The following SLC45A4 variants were observed in gnomAD, a reference collection of about 807,000 sequenced individuals.
The protein encoded by SLC45A4 is solute carrier family 45 member 4, also known as polyamine-transporter SLC45A4.
In SLC45A4, 32 loss-of-function variants were observed where a neutral mutation model predicts 63.7. The observed-to-expected ratio is 0.50, with a 90% CI of 0.38 to 0.67. SLC45A4 has a LOEUF of 0.67. Among genes scored for constraint, SLC45A4 ranks in the 30% least tolerant of loss-of-function variants. SLC45A4 has a pLI of 0.00. For synonymous variants in SLC45A4, 535 were observed against 510.0 expected (o/e 1.05, Z -0.66); for missense variants, 1,027 against 1,157.7 (o/e 0.89, Z 1.64).
chr8:141,266,505 C>T (rs540875574), intron 1 of SLC45A4, among the ~76,000 whole-genome samples: 6 of 152,262 alleles, frequency 3.9e-5, no homozygotes, highest in African/African-American at 1.2e-4. Flanking sequence ...CAGATGGCCA[C>T]GGAGAGGAAC....
At chr8:141,274,456 C>T (rs1829654308) in intron 1 of SLC45A4, among the ~76,000 whole-genome samples, 1 of 151,650 alleles carries the variant, frequency 6.6e-6, no homozygotes, top group Non-Finnish European at 1.5e-5. Context: ...ATCGCTTGAA[C>T]CCGGGAGGCG....
intron 2 of SLC45A4, among the ~76,000 whole-genome samples, chr8:141,244,702 C>T (rs1386144821): frequency 6.6e-6 from 1 of 152,112 alleles, no homozygotes; most frequent in African/African-American, 2.4e-5. Flanking sequence ...TGTATTTCAT[C>T]AAATCCAAGA....
chr8:141,228,123 G>A (rs1827127816), intron 2 of SLC45A4: 2 of 1,609,660 alleles, frequency 1.2e-6, no homozygotes, highest in Non-Finnish European at 1.7e-6. Context: ...CTCACCGCAA[G>A]CTTTAGATGG....
In SLC45A4 at chr8:141,218,536, C is replaced by T. The variant is rs142593631; in HGVS notation, c.1104G>A (p.Lys368=). The T allele has an allele frequency of 2.4e-4, 392 of 1,613,608 alleles. 1 individual carries two copies. The African/African-American group carries it at 3.8e-3, about 16-fold the overall frequency. Reference sequence around the variant, plus strand: ...GATTATCCAGCAAGGTCTCGTCCTCCTTGGCGGCTTCCTTGAGGAAGGTGG... The same window carrying T: ...GATTATCCAGCAAGGTCTCGTCCTCTTTGGCGGCTTCCTTGAGGAAGGTGG... The part of the protein sequence containing the change: ...RLATFLKEAA[K]EDETLLDNHL... Residue 368 remains lysine (K), a synonymous_variant, in exon 5 of 9, where the codon AAG becomes AAA. Coordinates refer to ENST00000517878, the MANE Select transcript of SLC45A4 (RefSeq NM_001286646.2).
At chr8:141,289,459 G>A (rs1830271370) in intron 1 of SLC45A4, among the ~76,000 whole-genome samples, 2 of 152,158 alleles carry the variant, frequency 1.3e-5, no homozygotes, top group Admixed American at 1.3e-4. Flanking sequence ...TTCAAACAAG[G>A]ATTCTAATCT....
rs1828781016 is a variant in SLC45A4, at chr8:141,256,474, T to C, written c.-400-1845A>G. 1 of 450,734 alleles carries C rather than the reference T, an allele frequency of 2.2e-6. No homozygotes were observed. Among genetic ancestry groups the C allele is most frequent in the African/African-American group, 2.0e-5 (1 of 49,842 alleles). 27.9% of individuals were successfully genotyped at this position (450,734 alleles called of 1,614,324 possible). A position where few individuals can be genotyped will look rare whatever the true frequency, so the allele number is the denominator to read the frequency against. On this transcript the variant is annotated intron_variant, in intron 1 of 8. Transcript: ENST00000517878. This position sits in a 1 kb window ranked among gnomAD's most constrained non-coding sequence, Gnocchi z 4.3. ...AGAAACCTCGAGGTGCTGTCTTCACTCGGCTCCTCTCTCACACAGCCCTGA... is the reference window on the plus strand; with the variant it reads ...AGAAACCTCGAGGTGCTGTCTTCACCCGGCTCCTCTCTCACACAGCCCTGA...
At chr8:141,284,954 A>T (rs1037176937) in intron 1 of SLC45A4, among the ~76,000 whole-genome samples, 1 of 151,584 alleles carries the variant, frequency 6.6e-6, no homozygotes, top group African/African-American at 2.4e-5. Context: ...GAGCCGCCCC[A>T]CACCCCGACT....
Position 141,215,693 on chromosome 8 carries a change from T to TG in SLC45A4, c.1941+65dup. 2.0e-6 allele frequency: 3 copies of TG among 1,510,826 alleles called. No homozygotes were observed. Among genetic ancestry groups the TG allele is most frequent in the South Asian group, 1.1e-5 (1 of 88,848 alleles). The allele number at this position is 1,510,826 out of a possible 1,614,324, so 93.6% of individuals were successfully genotyped here. A position where few individuals can be genotyped will look rare whatever the true frequency, so the allele number is the denominator to read the frequency against. ...GTCCCCCCGGGGAAGCACAGGGCTCTGCTCTGTATGGAGGGAAGGCACTCA... is the reference window on the plus strand; with the variant it reads ...GTCCCCCCGGGGAAGCACAGGGCTCTGGCTCTGTATGGAGGGAAGGCACTCA... On this transcript the variant is annotated intron_variant, in intron 7 of 8. Coordinates refer to ENST00000517878, the MANE Select transcript of SLC45A4 (RefSeq NM_001286646.2). This position sits in a 1 kb window ranked among gnomAD's most constrained non-coding sequence, Gnocchi z 4.3.
intron 1 of SLC45A4, among the ~76,000 whole-genome samples, chr8:141,273,938 G>A (rs1039843907): frequency 2.6e-5 from 4 of 152,330 alleles, no homozygotes; most frequent in Non-Finnish European, 5.9e-5. Context: ...TTTAAAAAAC[G>A]TAAAGTTTGG....
intron 1 of SLC45A4, among the ~76,000 whole-genome samples, chr8:141,265,344 C>T (rs747205358): frequency 1.3e-5 from 2 of 152,142 alleles, no homozygotes; most frequent in Admixed American, 1.3e-4. Context: ...TAGGGCCTCA[C>T]AAGAAATGAA....
intron 1 of SLC45A4, among the ~76,000 whole-genome samples, chr8:141,297,075 T>TG (rs1554604690): frequency 6.6e-6 from 1 of 151,652 alleles, no homozygotes; most frequent in African/African-American, 2.4e-5. Context: ...AGTTACTGAG[T>TG]CCCCCCCAGG....
At chr8:141,230,585 G>C (rs1203195409) in intron 2 of SLC45A4, among the ~76,000 whole-genome samples, 1 of 152,244 alleles carries the variant, frequency 6.6e-6, no homozygotes, top group Non-Finnish European at 1.5e-5. Flanking sequence ...GTGGCTGGGG[G>C]GCCGCCAGGA....
At chr8:141,271,884 A>G (rs1315036118) in intron 1 of SLC45A4, among the ~76,000 whole-genome samples, 1 of 146,212 alleles carries the variant, frequency 6.8e-6, no homozygotes, top group Non-Finnish European at 1.5e-5. Context: ...CGTGCATGCA[A>G]CACACACCTG....
chr8:141,303,716 A>T (rs1830816936), intron 1 of SLC45A4, among the ~76,000 whole-genome samples: 1 of 152,164 alleles, frequency 6.6e-6, no homozygotes, highest in African/African-American at 2.4e-5. Flanking sequence ...CCCAGGTTGG[A>T]AGGGACTTTT....
intron 1 of SLC45A4, among the ~76,000 whole-genome samples, chr8:141,291,749 C>A (rs568900839): frequency 6.6e-6 from 1 of 152,196 alleles, no homozygotes; most frequent in Admixed American, 6.5e-5. Flanking sequence ...ATGTTACTGG[C>A]GTGGCTTGCC....
chr8:141,258,968 C>T (rs1257565229), intron 1 of SLC45A4, among the ~76,000 whole-genome samples: 1 of 151,660 alleles, frequency 6.6e-6, no homozygotes, highest in Non-Finnish European at 1.5e-5. Context: ...AAAAACTAAG[C>T]CCTCAGGGAG....
chr8:141,232,612 C>T (rs919226356), intron 2 of SLC45A4, among the ~76,000 whole-genome samples: 4 of 150,766 alleles, frequency 2.7e-5, no homozygotes, highest in Middle Eastern at 3.4e-3. Context: ...TGGGAACACA[C>T]ACTCAGTGGC....
At chr8:141,296,836 C>CAA (rs34267017) in intron 1 of SLC45A4, among the ~76,000 whole-genome samples, 2,015 of 75,804 alleles carry the variant, frequency 0.027, 56 homozygotes, top group African/African-American at 0.056. Context: ...ACTCCATTGC[C>CAA]AAAAAAAAAA....
rs1026041972 is a variant in SLC45A4, at chr8:141,252,067, A to G, written c.241+1922T>C. Among the ~76,000 whole-genome samples, 4 of 149,366 alleles carry G rather than the reference A, an allele frequency of 2.7e-5. No individual in the cohort carries two copies. In the South Asian group the frequency reaches 7.0e-4, roughly 26 times the overall value. Reference sequence around the variant, plus strand: ...CAACAAACATCCCTAAAACAACCAAAATAAGTAGGCTTGAAAATACTTTAC... The same window carrying G: ...CAACAAACATCCCTAAAACAACCAAGATAAGTAGGCTTGAAAATACTTTAC... On this transcript the variant is annotated intron_variant, in intron 2 of 8. Transcript: ENST00000517878.
Sources: allele counts gnomAD v4.1 joint callset (sites outside exome capture counted in the v4.1 genomes callset), GRCh38; gene constraint gnomAD v4.1.1; non-coding constraint Gnocchi (gnomAD v3.1); transcripts MANE v1.5; gene names NCBI Gene and HGNC (gene_info 2026-07-23, HGNC 2026-07-21).